The following NEDD9 variants were observed in gnomAD, a reference collection of about 807,000 sequenced individuals.
NEDD9 encodes the protein enhancer of filamentation 1.
A neutral mutation model predicts 76.6 loss-of-function variants in NEDD9; 26 were observed. The ratio of observed to expected loss-of-function variants is 0.34; its 90% CI spans 0.25 to 0.47. The LOEUF is 0.47. Ranked by LOEUF, NEDD9 falls within the 20% of genes least tolerant of loss-of-function variation. NEDD9 has a pLI of 1.00. For missense variants in NEDD9, 937 were observed against 1,058.5 expected, an observed-to-expected ratio of 0.89 and a Z score of 1.59; for synonymous variants, 392 against 414.2, an observed-to-expected ratio of 0.95 and a Z score of 0.65.
intron 3 of NEDD9, among the ~76,000 whole-genome samples, chr6:11,271,239 G>C (rs1283561811): frequency 6.6e-6 from 1 of 152,036 alleles, no homozygotes; most frequent in Admixed American, 6.6e-5. Context: ...GTCTCATTTT[G>C]TTGCCCAGGC....
chr6:11,236,662 G>T (rs1031033010), upstream of NEDD9, among the ~76,000 whole-genome samples: 1 of 152,162 alleles, frequency 6.6e-6, no homozygotes, highest in African/African-American at 2.4e-5. The surrounding 1 kb of genome is among the most constrained non-coding windows in gnomAD (Gnocchi z 5.5). Context: ...TTGGTGGTGA[G>T]GTCAGGCCCC....
At chr6:11,290,998 G>C (rs1409174479) in intron 3 of NEDD9, among the ~76,000 whole-genome samples, 2 of 152,214 alleles carry the variant, frequency 1.3e-5, no homozygotes, top group Non-Finnish European at 2.9e-5. Flanking sequence ...CCCTCTTGAA[G>C]AAGACGGAGT....
intron 3 of NEDD9, among the ~76,000 whole-genome samples, chr6:11,270,116 G>A (rs1287711951): frequency 1.3e-5 from 2 of 152,200 alleles, no homozygotes; most frequent in Non-Finnish European, 2.9e-5. Flanking sequence ...GCAACAGAGT[G>A]TGACTCCTTA....
At chr6:11,228,227 A>C (rs1408327607) in intron 1 of NEDD9, among the ~76,000 whole-genome samples, 1 of 152,090 alleles carries the variant, frequency 6.6e-6, no homozygotes, top group African/African-American at 2.4e-5. Flanking sequence ...AAAGCACGAA[A>C]GTGGGAGAGA....
intron 2 of NEDD9, among the ~76,000 whole-genome samples, chr6:11,308,161 T>C (rs1761247802): frequency 6.6e-6 from 1 of 151,934 alleles, no homozygotes; most frequent in African/African-American, 2.4e-5. Flanking sequence ...TCAAGAGTGA[T>C]ACATATGAGC....
chr6:11,208,209 C>T (rs1758667805), intron 2 of NEDD9, among the ~76,000 whole-genome samples: 1 of 151,838 alleles, frequency 6.6e-6, no homozygotes, highest in Non-Finnish European at 1.5e-5. Context: ...AGTTTTCCTC[C>T]TTAGGTGACC....
intron 2 of NEDD9, chr6:11,200,560 C>A: frequency 9.2e-7 from 1 of 1,087,586 alleles, no homozygotes; most frequent in South Asian, 2.6e-5. Context: ...AATCACAGAT[C>A]TCAAGGCTGT....
chr6:11,285,309 A>G (rs1293716016), intron 3 of NEDD9, among the ~76,000 whole-genome samples: 1 of 152,180 alleles, frequency 6.6e-6, no homozygotes, highest in Non-Finnish European at 1.5e-5. Flanking sequence ...TGTACACCAA[A>G]AACCATAAAA....
At chr6:11,220,243 A>C (rs1759098971) in intron 1 of NEDD9, among the ~76,000 whole-genome samples, 1 of 152,012 alleles carries the variant, frequency 6.6e-6, no homozygotes, top group South Asian at 2.1e-4. Context: ...TCAGGCAGTA[A>C]TTTTTATTTT....
At chr6:11,286,463 C>G (rs1431690085) in intron 3 of NEDD9, among the ~76,000 whole-genome samples, 2 of 152,144 alleles carry the variant, frequency 1.3e-5, no homozygotes, top group Non-Finnish European at 2.9e-5. Flanking sequence ...GTCATTGATT[C>G]CTAGATTTTT....
At chr6:11,330,538 C>T (rs1762013578) in intron 2 of NEDD9, among the ~76,000 whole-genome samples, 1 of 152,132 alleles carries the variant, frequency 6.6e-6, no homozygotes, top group African/African-American at 2.4e-5. Context: ...TTTCTTTCCT[C>T]ATATACACTC....
At chr6:11,366,294 G>GGAAGGAAGGAAGGAAGGAAGGAACGAAA (rs58662867) in intron 1 of NEDD9, among the ~76,000 whole-genome samples, 1 of 117,298 alleles carries the variant, frequency 8.5e-6, no homozygotes, top group Non-Finnish European at 1.8e-5. Flanking sequence ...AAGGAAGGAA[G>GGAAGGAAGGAAGGAAGGAAGGAACGAAA]GAAAGAAAGA....
At chr6:11,344,248 A>C (rs1458396625) in intron 1 of NEDD9, among the ~76,000 whole-genome samples, 2 of 152,222 alleles carry the variant, frequency 1.3e-5, no homozygotes, top group Non-Finnish European at 2.9e-5. Flanking sequence ...GCAATTCCAC[A>C]GTTAGAAATC....
At chr6:11,233,393 T>C (rs200362760), upstream of NEDD9, 14 of 518,900 alleles carry the variant, frequency 2.7e-5, no homozygotes, top group Non-Finnish European at 5.0e-5. Context: ...TCAGTGGCTT[T>C]GCTGAGGATA....
intron 3 of NEDD9, among the ~76,000 whole-genome samples, chr6:11,268,786 A>G (rs1473272481): frequency 6.6e-6 from 1 of 151,978 alleles, no homozygotes; most frequent in Non-Finnish European, 1.5e-5. Flanking sequence ...ATATTTGGGG[A>G]AAAAGGGCTA....
intron 1 of NEDD9, chr6:11,352,163 A>G (rs1484193113): frequency 6.6e-6 from 1 of 152,178 alleles, no homozygotes; most frequent in African/African-American, 2.4e-5. Context: ...CCCTACCCCA[A>G]GTTTCCTTTT....
At chr6:11,320,688 C>A (rs947212387) in intron 2 of NEDD9, among the ~76,000 whole-genome samples, 11 of 152,142 alleles carry the variant, frequency 7.2e-5, no homozygotes, top group Non-Finnish European at 2.9e-5. Flanking sequence ...CTAATCTATA[C>A]AACTGGAGTA....
intron 3 of NEDD9, among the ~76,000 whole-genome samples, chr6:11,291,516 A>C (rs572862424): frequency 1.2e-4 from 19 of 152,132 alleles, no homozygotes; most frequent in African/African-American, 4.6e-4. Flanking sequence ...CCTCGTGATC[A>C]ACCTGCCTCG....
At chr6:11,366,764 T>C (rs557568398) in intron 1 of NEDD9, among the ~76,000 whole-genome samples, 4 of 152,224 alleles carry the variant, frequency 2.6e-5, no homozygotes, top group Non-Finnish European at 5.9e-5. Context: ...GCTTCAGTCC[T>C]AGCTGTGTCA....
Sources: gnomAD v4.1 joint callset for allele counts (sites outside exome capture counted in the v4.1 genomes callset) on GRCh38, gnomAD v4.1.1 for gene constraint, Gnocchi (gnomAD v3.1) non-coding constraint, MANE v1.5 for transcripts, NCBI Gene and HGNC (gene_info 2026-07-23, HGNC 2026-07-21) for gene names.